The following DPH6 variants were observed in gnomAD, a reference collection of about 807,000 sequenced individuals.
DPH6 encodes diphthine--ammonia ligase.
In DPH6, 33 loss-of-function variants were observed where a neutral mutation model predicts 38.2. The ratio of observed to expected loss-of-function variants is 0.86; its 90% CI spans 0.65 to 1.15. The LOEUF is 1.15. Ranked by LOEUF, DPH6 falls within the 50% of genes most tolerant of loss-of-function variation. The pLI, the probability that DPH6 is intolerant of heterozygous loss-of-function variation, is 0.00. For missense variants in DPH6, 325 were observed against 320.0 expected (o/e 1.02, Z -0.12); for synonymous variants, 108 against 103.0 (o/e 1.05, Z -0.30).
intron 3 of DPH6, among the ~76,000 whole-genome samples, chr15:35,514,324 A>AT (rs1421749256): frequency 2.0e-5 from 3 of 152,128 alleles, no homozygotes; most frequent in Non-Finnish European, 4.4e-5. Flanking sequence ...CTAAAGACAA[A>AT]ATTTCTACAT....
chr15:35,455,670 T>C (rs759633189), intron 3 of DPH6, among the ~76,000 whole-genome samples: 7 of 152,108 alleles, frequency 4.6e-5, no homozygotes, highest in Non-Finnish European at 1.0e-4. Flanking sequence ...ATACACAATA[T>C]GGGTGTAAAC....
At position 35,260,911 on chromosome 15, in the gene DPH6, C is replaced by G. The variant is rs80121764; in HGVS notation, n.201-40329G>C. Among the ~76,000 whole-genome samples the G allele has an allele frequency of 5.3e-5, 8 of 152,270 alleles. No individual in the cohort carries two copies. In the East Asian group the frequency reaches 1.5e-3, roughly 29 times the overall value. ...GGAAAAATTGTCACTTAGTGATATT[C>G]ATTAATTTTTCTTGAAGAACTCTAA... is the stretch of plus-strand genomic sequence containing the variant. On this transcript the variant is annotated intron_variant and non_coding_transcript_variant, in intron 3 of 3. Coordinates refer to the DPH6 transcript ENST00000560386.
chr15:35,516,484 T>C (rs1310302892), intron 3 of DPH6, among the ~76,000 whole-genome samples: 1 of 152,092 alleles, frequency 6.6e-6, no homozygotes, highest in African/African-American at 2.4e-5. Context: ...AAAGCCAAGG[T>C]ATAGAGAAGT....
chr15:35,497,618 T>C (rs576831069), intron 3 of DPH6, among the ~76,000 whole-genome samples: 21 of 152,224 alleles, frequency 1.4e-4, no homozygotes, highest in East Asian at 1.9e-4. Flanking sequence ...CTCTGTATTA[T>C]TGGGGAAGAA....
intron 6 of DPH6, among the ~76,000 whole-genome samples, chr15:35,400,460 C>T (rs2053201953): frequency 6.6e-6 from 1 of 151,980 alleles, no homozygotes; most frequent in Non-Finnish European, 1.5e-5. Flanking sequence ...ATAAATAATA[C>T]AAATATTAGT....
At chr15:35,535,911 C>G (rs999873182) in intron 3 of DPH6, among the ~76,000 whole-genome samples, 1 of 152,064 alleles carries the variant, frequency 6.6e-6, no homozygotes. Flanking sequence ...AAATTAAACT[C>G]TTTGCAAAAA....
At chr15:35,401,350 G>A (rs2053216545) in intron 6 of DPH6, 7 of 760,360 alleles carry the variant, frequency 9.2e-6, no homozygotes, top group Non-Finnish European at 1.7e-5. Flanking sequence ...CAGCTGTGGT[G>A]CTGATGGGTA....
the DPH6 span, among the ~76,000 whole-genome samples, chr15:35,207,725 G>A: frequency 6.6e-6 from 1 of 152,124 alleles, no homozygotes; most frequent in Admixed American, 6.6e-5. Flanking sequence ...TTTCAACTGA[G>A]CAAAATGATC....
chr15:35,291,667 A>AT (rs1173306147), intron 3 of DPH6, among the ~76,000 whole-genome samples: 1 of 152,122 alleles, frequency 6.6e-6, no homozygotes, highest in Non-Finnish European at 1.5e-5. Flanking sequence ...ATTTTCCAGG[A>AT]TTTACTTCCA....
At chr15:35,388,166 C>T (rs966881828) in intron 6 of DPH6, among the ~76,000 whole-genome samples, 5 of 152,272 alleles carry the variant, frequency 3.3e-5, no homozygotes, top group African/African-American at 1.2e-4. Context: ...ATATGTTGAA[C>T]CAGCCTTGCA....
the DPH6 span, among the ~76,000 whole-genome samples, chr15:35,162,763 T>C: frequency 1.6e-3 from 246 of 151,972 alleles, no homozygotes; most frequent in African/African-American, 5.6e-3. Context: ...GAGCCTCCAC[T>C]CAAGAGCAGA....
intron 3 of DPH6, among the ~76,000 whole-genome samples, chr15:35,230,936 T>A (rs2051512982): frequency 6.6e-6 from 1 of 152,020 alleles, no homozygotes; most frequent in Middle Eastern, 3.2e-3. Flanking sequence ...AAAGAAGAGG[T>A]CTCTATTGGA....
chr15:35,238,160 T>A, intron 3 of DPH6: 1 of 916,616 alleles, frequency 1.1e-6, no homozygotes, highest in Non-Finnish European at 1.7e-6. Flanking sequence ...AACTTATTTT[T>A]TTTTCTGATT....
At chr15:35,268,874 A>C (rs544970508) in intron 3 of DPH6, among the ~76,000 whole-genome samples, 1 of 152,316 alleles carries the variant, frequency 6.6e-6, no homozygotes, top group African/African-American at 2.4e-5. Flanking sequence ...GGAAGAGGGC[A>C]GGAAAGACCA....
chr15:35,384,761 G>C (rs1238677806), intron 6 of DPH6, among the ~76,000 whole-genome samples: 1 of 151,880 alleles, frequency 6.6e-6, no homozygotes, highest in Non-Finnish European at 1.5e-5. Context: ...AGAAGGAACA[G>C]CTACAAATGG....
chr15:35,502,102 A>G (rs2054635004), intron 3 of DPH6, among the ~76,000 whole-genome samples: 1 of 152,128 alleles, frequency 6.6e-6, no homozygotes, highest in African/African-American at 2.4e-5. Flanking sequence ...ACATCTGTTT[A>G]TACAAGTTGA....
chr15:35,483,025 C>G (rs924041183), intron 3 of DPH6, among the ~76,000 whole-genome samples: 1 of 151,744 alleles, frequency 6.6e-6, no homozygotes. Context: ...ATTGTATATT[C>G]AAATTTCTAA....
chr15:35,237,161 A>G, intron 3 of DPH6: 1 of 611,634 alleles, frequency 1.6e-6, no homozygotes, highest in Non-Finnish European at 2.9e-6. Context: ...TTCCTTATTT[A>G]AAAATTCAGC....
At chr15:35,390,478 C>T (rs993509296) in intron 6 of DPH6, among the ~76,000 whole-genome samples, 22 of 152,328 alleles carry the variant, frequency 1.4e-4, no homozygotes, top group African/African-American at 5.3e-4. Context: ...TTCAGGTACA[C>T]CAATTAGACG....
Sources: allele counts gnomAD v4.1 joint callset (sites outside exome capture counted in the v4.1 genomes callset), GRCh38; gene constraint gnomAD v4.1.1; transcripts MANE v1.5; gene names NCBI Gene and HGNC (gene_info 2026-07-23, HGNC 2026-07-21).